Variants in TRERF1 observed in about 807,000 individuals in gnomAD.
TRERF1 encodes transcriptional regulating factor 1.
In TRERF1, 27 loss-of-function variants were observed where a neutral mutation model predicts 122.9. The ratio of observed to expected loss-of-function variants is 0.22; its 90% CI spans 0.16 to 0.30. TRERF1 has a LOEUF of 0.30. TRERF1 is among the 10% of genes least tolerant of loss of function. TRERF1 has a pLI of 1.00. For synonymous variants in TRERF1, 636 were observed against 641.7 expected (o/e 0.99, Z 0.13); for missense variants, 1,248 against 1,560.3 (o/e 0.80, Z 3.37).
chr6:42,316,682 C>T (rs1344673839), intron 3 of TRERF1, among the ~76,000 whole-genome samples: 1 of 152,146 alleles, frequency 6.6e-6, no homozygotes, highest in East Asian at 1.9e-4. Flanking sequence ...ATAACAGTCC[C>T]TCCCTGAAAC....
At chr6:42,251,961 C>G (rs566819270) in intron 13 of TRERF1, among the ~76,000 whole-genome samples, 2 of 152,234 alleles carry the variant, frequency 1.3e-5, no homozygotes, top group African/African-American at 4.8e-5. Flanking sequence ...CACAACCAGG[C>G]TTCGTCTCCA....
At position 42,276,888 on chromosome 6, in the gene TRERF1, A is replaced by T. The variant is rs774725411; in HGVS notation, c.-258-7040T>A. Among the ~76,000 whole-genome samples the T allele has an allele frequency of 9.2e-5, 14 of 152,200 alleles. No homozygotes were observed. The highest frequency in any genetic ancestry group is 1.6e-4 in the Non-Finnish European group (11 of 68,038). ...TTGCTCCCTCCAAGCCCTGGGGATC[A>T]GTAGGAAGCCCGACGCATAGCTCAG... On this transcript the variant is annotated intron_variant, in intron 4 of 17. Coordinates refer to ENST00000372922, the Ensembl canonical transcript of TRERF1. The surrounding 1 kb of genome is among the most constrained non-coding windows in gnomAD (Gnocchi z 4.3).
At chr6:42,346,252 A>C (rs996360757) in intron 3 of TRERF1, among the ~76,000 whole-genome samples, 24 of 152,174 alleles carry the variant, frequency 1.6e-4, no homozygotes, top group Non-Finnish European at 3.4e-4. Context: ...CCCAGCCACT[A>C]CCGATTCCCC....
At chr6:42,411,749 A>G (rs1274433967) in intron 2 of TRERF1, among the ~76,000 whole-genome samples, 1 of 152,186 alleles carries the variant, frequency 6.6e-6, no homozygotes, top group Non-Finnish European at 1.5e-5. Context: ...CAGACCCCAC[A>G]GAGAACCAAC....
chr6:42,336,345 G>C (rs180896352), intron 3 of TRERF1, among the ~76,000 whole-genome samples: 1 of 151,976 alleles, frequency 6.6e-6, no homozygotes, highest in Admixed American at 6.6e-5. Context: ...CACCATCCCC[G>C]ACCATCATGC....
At position 42,275,948 on chromosome 6, in the gene TRERF1, C is replaced by A. The variant is rs565341481; in HGVS notation, c.-258-6100G>T. On this transcript the variant is annotated intron_variant, in intron 4 of 17. Coordinates refer to ENST00000372922, the Ensembl canonical transcript of TRERF1. This position sits in a 1 kb window ranked among gnomAD's most constrained non-coding sequence, Gnocchi z 4.1. ...GTTCCAATACAACTTTATTTATGGA[C>A]GCTGAAACTTGAATTTTACATAATT... Among the ~76,000 whole-genome samples the A allele has an allele frequency of 6.6e-6, 1 of 152,220 alleles. No homozygotes were observed. The highest frequency in any genetic ancestry group is 2.4e-5 in the African/African-American group (1 of 41,460).
intron 2 of TRERF1, among the ~76,000 whole-genome samples, chr6:42,399,449 G>C (rs925662852): frequency 6.6e-6 from 1 of 152,078 alleles, no homozygotes; most frequent in Non-Finnish European, 1.5e-5. Context: ...GTGTCTTCAG[G>C]TATCTGCTTG....
chr6:42,306,031 T>A (rs1473269034), intron 3 of TRERF1, among the ~76,000 whole-genome samples: 1 of 131,734 alleles, frequency 7.6e-6, no homozygotes, highest in Admixed American at 9.5e-5. Context: ...AGACAGAGTC[T>A]TACTCTGTCT....
chr6:42,392,884 G>A (rs1777974007), intron 2 of TRERF1, among the ~76,000 whole-genome samples: 1 of 151,392 alleles, frequency 6.6e-6, no homozygotes, highest in Non-Finnish European at 1.5e-5. Flanking sequence ...GAGAAACGCT[G>A]GTAAGGCGAA....
intron 13 of TRERF1, among the ~76,000 whole-genome samples, chr6:42,252,093 C>T (rs958073615): frequency 2.6e-5 from 4 of 152,160 alleles, no homozygotes; most frequent in South Asian, 2.1e-4. Flanking sequence ...GACTGTGCAT[C>T]GTGGTGGGGG....
intron 2 of TRERF1, among the ~76,000 whole-genome samples, chr6:42,399,762 A>G (rs1283951774): frequency 6.6e-6 from 1 of 152,192 alleles, no homozygotes; most frequent in African/African-American, 2.4e-5. Flanking sequence ...CATTGAGACT[A>G]GAACTGTGGC....
intron 15 of TRERF1, among the ~76,000 whole-genome samples, 162 bp from the exon 16 acceptor site, chr6:42,236,573 C>T (rs1772260982): frequency 6.6e-6 from 1 of 152,164 alleles, no homozygotes; most frequent in Non-Finnish European, 1.5e-5. Context: ...TAGGCGTGAT[C>T]CTCAAAAGGT....
chr6:42,377,784 T>G (rs1775170788), intron 2 of TRERF1, among the ~76,000 whole-genome samples: 1 of 152,118 alleles, frequency 6.6e-6, no homozygotes, highest in African/African-American at 2.4e-5. Context: ...CTCAAATTCC[T>G]TCCGAGGGAA....
chr6:42,344,680 C>T (rs557477705), intron 3 of TRERF1, among the ~76,000 whole-genome samples: 16 of 152,268 alleles, frequency 1.1e-4, no homozygotes, highest in Admixed American at 7.2e-4. Flanking sequence ...CAGATCAACC[C>T]AAGCAGTCAC....
At chr6:42,321,152 CAAA>C (rs34358572) in intron 3 of TRERF1, among the ~76,000 whole-genome samples, 7 of 103,366 alleles carry the variant, frequency 6.8e-5, no homozygotes, top group Non-Finnish European at 6.6e-5. Context: ...TCTTCCAAGC[CAAA>C]AAAAAAAAAA....
chr6:42,390,676 G>T (rs1276865305), intron 2 of TRERF1, among the ~76,000 whole-genome samples: 1 of 152,100 alleles, frequency 6.6e-6, no homozygotes, highest in Non-Finnish European at 1.5e-5. Context: ...AATCACAACC[G>T]CCCGGCCCTC....
At chr6:42,256,248 T>C (rs1037726627) in intron 12 of TRERF1, among the ~76,000 whole-genome samples, 1 of 151,406 alleles carries the variant, frequency 6.6e-6, no homozygotes, top group African/African-American at 2.4e-5. Flanking sequence ...GTGTTAAAAG[T>C]GGAAGAATGG....
At chr6:42,436,814 A>AAAT (rs61427173) in intron 2 of TRERF1, among the ~76,000 whole-genome samples, 169 of 66,698 alleles carry the variant, frequency 2.5e-3, no homozygotes, top group South Asian at 9.0e-3. Context: ...AAAAAAAAAA[A>AAAT]ATATATATAT....
At chr6:42,430,164 G>A (rs560581952) in intron 2 of TRERF1, among the ~76,000 whole-genome samples, 87 of 152,016 alleles carry the variant, frequency 5.7e-4, no homozygotes, top group Admixed American at 2.1e-3. Context: ...GCTTGGTGGG[G>A]GCCGCTGATG....
Sources: gnomAD v4.1 joint callset for allele counts (sites outside exome capture counted in the v4.1 genomes callset) on GRCh38, gnomAD v4.1.1 for gene constraint, Gnocchi (gnomAD v3.1) non-coding constraint, MANE v1.5 for transcripts, NCBI Gene and HGNC (gene_info 2026-07-23, HGNC 2026-07-21) for gene names.